XPC: variants seen among roughly 807,000 people sequenced by gnomAD.
XPC encodes the protein DNA repair protein complementing XP-C cells.
In XPC, 76 loss-of-function variants were observed where a neutral mutation model predicts 95.8. The observed-to-expected ratio is 0.79, with a 90% CI of 0.66 to 0.96. The LOEUF (loss-of-function observed/expected upper bound fraction) is 0.96. Among genes scored for constraint, XPC ranks in the 40% least tolerant of loss-of-function variants. The pLI is 0.00. For missense variants in XPC, 1,146 were observed against 1,179.8 expected (o/e 0.97, Z 0.42); for synonymous variants, 442 against 442.1 (o/e 1.00, Z 0.00).
At chr3:14,154,148 G>T (rs1262572081) in intron 10 of XPC, among the ~76,000 whole-genome samples, 1 of 152,206 alleles carries the variant, frequency 6.6e-6, no homozygotes, top group Non-Finnish European at 1.5e-5. Context: ...ACAAGTGTCA[G>T]TGAGGATGTG....
intron 7 of XPC, among the ~76,000 whole-genome samples, chr3:14,161,676 G>C (rs536332058): frequency 6.7e-6 from 1 of 148,220 alleles, no homozygotes; most frequent in East Asian, 2.0e-4. Flanking sequence ...GAAGGGAACT[G>C]AGTCAACGTG....
At chr3:14,166,194 T>C (rs928617319) in intron 5 of XPC, among the ~76,000 whole-genome samples, 2 of 152,138 alleles carry the variant, frequency 1.3e-5, no homozygotes, top group African/African-American at 4.8e-5. Flanking sequence ...CCCTTCAACA[T>C]TGGCTTCCTC....
At chr3:14,157,068 T>G (rs1695944724) in intron 9 of XPC, among the ~76,000 whole-genome samples, 1 of 152,134 alleles carries the variant, frequency 6.6e-6, no homozygotes, top group Non-Finnish European at 1.5e-5. Flanking sequence ...CCCAACAGAC[T>G]AGAAAGGACT....
intron 4 of XPC, among the ~76,000 whole-genome samples, chr3:14,167,584 C>T (rs747608601): frequency 1.3e-5 from 2 of 152,216 alleles, no homozygotes; most frequent in Non-Finnish European, 2.9e-5. Flanking sequence ...TGACTCTCTC[C>T]TTAGCAACCA....
At chr3:14,147,775 G>T in intron 14 of XPC, 133 bp downstream of exon 14, 1 of 777,224 alleles carries the variant, frequency 1.3e-6, no homozygotes, top group Non-Finnish European at 2.1e-6. Flanking sequence ...CGCTCCCTCG[G>T]GTGCCTGCCA....
rs1016216191 is a variant in XPC at position 14,168,517 on chromosome 3, G to A, written c.413-137C>T. The A allele has an allele frequency of 3.8e-6, 4 of 1,056,120 alleles. No individual in the cohort carries two copies. In the African/African-American group the frequency reaches 6.5e-5, roughly 17 times the overall value. The allele number at this position is 1,056,120 out of a possible 1,614,324, so 65.4% of individuals were successfully genotyped here. A position where few individuals can be genotyped will look rare whatever the true frequency, so the allele number is the denominator to read the frequency against. On this transcript the variant is annotated intron_variant, in intron 3 of 15. Transcript: ENST00000285021. ...GGGAGACAGCCCACAGAGACCCCTAGACATGCCTTGCCCTGAGTCCTACCA... is the reference window on the plus strand; with the variant it reads ...GGGAGACAGCCCACAGAGACCCCTAAACATGCCTTGCCCTGAGTCCTACCA...
At chr3:14,146,618 G>T (rs1456056403) in intron 15 of XPC, among the ~76,000 whole-genome samples, 1 of 152,192 alleles carries the variant, frequency 6.6e-6, no homozygotes, top group East Asian at 1.9e-4. Context: ...AGGCGGCAAG[G>T]AGCTGGTCAG....
chr3:14,167,890 G>C (rs938464261), intron 4 of XPC, among the ~76,000 whole-genome samples: 3 of 152,220 alleles, frequency 2.0e-5, no homozygotes, highest in African/African-American at 4.8e-5. Context: ...TGAATGCCAA[G>C]TCAATGAGAA....
intron 1 of XPC, among the ~76,000 whole-genome samples, chr3:14,177,056 C>T (rs1696848912): frequency 6.6e-6 from 1 of 152,124 alleles, no homozygotes; most frequent in Non-Finnish European, 1.5e-5. Context: ...TGCACTCCAG[C>T]CTCAGCGACA....
chr3:14,174,845 T>A (rs1245896279), intron 1 of XPC, among the ~76,000 whole-genome samples: 1 of 152,090 alleles, frequency 6.6e-6, no homozygotes, highest in Non-Finnish European at 1.5e-5. Context: ...TATGGGTGAC[T>A]TTCTGTTCTC....
At chr3:14,177,345 G>A (rs1039716647) in intron 1 of XPC, among the ~76,000 whole-genome samples, 1 of 152,154 alleles carries the variant, frequency 6.6e-6, no homozygotes, top group Non-Finnish European at 1.5e-5. Context: ...TAAGGTACTT[G>A]AGCATCACAG....
chr3:14,168,328 T>C lies in XPC; in HGVS notation c.465A>G (p.Arg155=), dbSNP rs370322435. The C allele has an allele frequency of 4.2e-5, 68 of 1,613,832 alleles. No individual in the cohort carries two copies. Among genetic ancestry groups the C allele is most frequent in the Non-Finnish European group, 5.6e-5 (66 of 1,179,872 alleles). The change falls in exon 4 of 16, where the codon CGA becomes CGG. Residue 155 remains arginine (R), a synonymous_variant. Coordinates refer to ENST00000285021, the MANE Select transcript of XPC (RefSeq NM_004628.5). ...CCACTGGCTTCACAGGCAGAAGAGA[T>C]CGAGAGAAGGCTGTACTTTCTCTCA... ...GDVRESTAFS[R]SLLPVKPVEI...
At position 14,168,315 on chromosome 3, in the gene XPC, C is replaced by T; in HGVS notation, c.478G>A (p.Val160Met). ...TCAATCTCTATCTCCACTGGCTTCACAGGCAGAAGAGATCGAGAGAAGGCT... is the reference window on the plus strand; with the variant it reads ...TCAATCTCTATCTCCACTGGCTTCATAGGCAGAAGAGATCGAGAGAAGGCT... ...STAFSRSLLP[V>M]KPVEIEIETP... Residue 160 changes from valine (V) to methionine (M), a missense_variant, in exon 4 of 16, where the codon GTG becomes ATG. Val to Met is a conservative substitution (Grantham distance 21). Coordinates refer to ENST00000285021, the MANE Select transcript of XPC (RefSeq NM_004628.5). 1 of 1,613,946 alleles carries T rather than the reference C, an allele frequency of 6.2e-7. No individual in the cohort carries two copies. Among genetic ancestry groups the T allele is most frequent in the Non-Finnish European group, 8.5e-7 (1 of 1,179,862 alleles).
chr3:14,166,676 T>G (rs1321624663), intron 5 of XPC, among the ~76,000 whole-genome samples: 1 of 152,186 alleles, frequency 6.6e-6, no homozygotes, highest in Non-Finnish European at 1.5e-5. Flanking sequence ...GCCACGCTGA[T>G]CTCTTTCACT....
Position 14,167,229 on chromosome 3 carries a change from C to G in XPC, c.561G>C (p.Glu187Asp). ...ERSEKIKLEF[E>D]TYLRRAMKRF... ...GTTTCATCGCCCTCCGAAGATATGT[C>G]TCAAACTCCAGTTTTATCTTTTCAC... The change falls in exon 5 of 16, where the codon GAG (glutamate) becomes GAC (aspartate). Residue 187 changes from glutamate to aspartate, a missense_variant. Transcript: ENST00000285021. 6.2e-7 allele frequency: 1 copy of G among 1,611,646 alleles called. No individual in the cohort carries two copies. The highest frequency in any genetic ancestry group is 8.5e-7 in the Non-Finnish European group (1 of 1,178,778).
intron 3 of XPC, 72 bp from the exon 4 acceptor site, chr3:14,168,452 A>T: frequency 6.4e-7 from 1 of 1,571,670 alleles, no homozygotes. Flanking sequence ...GAACAGAATC[A>T]AGGTTCTGCT....
intron 3 of XPC, among the ~76,000 whole-genome samples, chr3:14,169,699 T>C (rs891624418): frequency 6.6e-6 from 1 of 152,224 alleles, no homozygotes; most frequent in Non-Finnish European, 1.5e-5. Context: ...GGCTGAAGTA[T>C]TCAGCAGTGG....
intron 10 of XPC, among the ~76,000 whole-genome samples, chr3:14,154,103 C>T (rs529003310): frequency 6.6e-6 from 1 of 152,150 alleles, no homozygotes; most frequent in Non-Finnish European, 1.5e-5. Flanking sequence ...CATTTCACAC[C>T]CGTTAAAATG....
At position 14,175,024 on chromosome 3, in the gene XPC, G is replaced by A. The variant is rs557855191; in HGVS notation, c.104-1962C>T. Among the ~76,000 whole-genome samples the A allele has an allele frequency of 1.2e-4, 19 of 152,134 alleles. No individual in the cohort carries two copies. In the East Asian group the frequency reaches 1.4e-3, roughly 11 times the overall value. On this transcript the variant is annotated intron_variant, in intron 1 of 15. Transcript: ENST00000285021. The stretch of plus-strand genomic sequence containing the variant: ...TCTACTGGGATTTAATAAGAACACC[G>A]GAGTAAACCTTCCAGCAGCAACTCA...
Sources: allele counts gnomAD v4.1 joint callset (sites outside exome capture counted in the v4.1 genomes callset), GRCh38; gene constraint gnomAD v4.1.1; transcripts MANE v1.5; gene names NCBI Gene and HGNC (gene_info 2026-07-23, HGNC 2026-07-21).